CFAP43: variants seen among roughly 807,000 people sequenced by gnomAD.
The protein encoded by CFAP43 is cilia- and flagella-associated protein 43.
Under a neutral mutation model 218.9 loss-of-function variants are expected in CFAP43, and 155 were observed. The ratio of observed to expected loss-of-function variants is 0.71; its 90% CI spans 0.62 to 0.81. CFAP43 has a LOEUF of 0.81. CFAP43 is among the 30% of genes least tolerant of loss of function. The pLI is 0.00. For synonymous variants in CFAP43, 645 were observed against 681.3 expected (o/e 0.95, Z 0.83); for missense variants, 1,778 against 1,954.3 (o/e 0.91, Z 1.70).
In CFAP43 at chr10:104,143,577, C is replaced by G. The variant is rs1002475158; in HGVS notation, c.4007G>C (p.Gly1336Ala). ...TSVVPFGELP[G>A]SGKLNKDAFA... Reference sequence around the variant, plus strand: ...GGCATCCTTATTCAACTTGCCAGATCCTGGTAGTTCTCCGAAAGGGACAAC... The same window carrying G: ...GGCATCCTTATTCAACTTGCCAGATGCTGGTAGTTCTCCGAAAGGGACAAC... Residue 1336 changes from glycine (G) to alanine (A), a missense_variant, in exon 32 of 38, where the codon GGA becomes GCA. Transcript: ENST00000357060. 1 of 1,614,168 alleles carries G rather than the reference C, an allele frequency of 6.2e-7. No individual in the cohort carries two copies. The highest frequency in any genetic ancestry group is 8.5e-7 in the Non-Finnish European group (1 of 1,180,024).
At chr10:104,180,896 G>A (rs377646360) in intron 17 of CFAP43, among the ~76,000 whole-genome samples, 94 of 152,228 alleles carry the variant, frequency 6.2e-4, no homozygotes, top group African/African-American at 2.2e-3. Flanking sequence ...TGCCTCTCCA[G>A]AAGTTGCTCT....
At chr10:104,215,621 C>G (rs1171969000) in intron 3 of CFAP43, among the ~76,000 whole-genome samples, 1 of 152,194 alleles carries the variant, frequency 6.6e-6, no homozygotes, top group Non-Finnish European at 1.5e-5. Flanking sequence ...CCACCCCCCA[C>G]CAGACCCTCA....
At chr10:104,152,827 G>GC (rs2088339113) in intron 27 of CFAP43, 101 bp from the exon 28 acceptor site, 2 of 1,323,754 alleles carry the variant, frequency 1.5e-6, no homozygotes, top group Admixed American at 4.7e-5. Context: ...ATGGAGGGCA[G>GC]CCCTTGCAAG....
chr10:104,165,831 G>A (rs2089124163), intron 23 of CFAP43, among the ~76,000 whole-genome samples: 1 of 152,098 alleles, frequency 6.6e-6, no homozygotes, highest in South Asian at 2.1e-4. Flanking sequence ...GATCTTACAG[G>A]GAAATCCTAA....
chr10:104,139,018 T>A (rs1175433657), intron 34 of CFAP43, among the ~76,000 whole-genome samples: 1 of 152,192 alleles, frequency 6.6e-6, no homozygotes, highest in Non-Finnish European at 1.5e-5. Flanking sequence ...ACAGAAATAC[T>A]AAATGTAAGT....
chr10:104,164,795 T>G (rs1057379938), intron 23 of CFAP43, among the ~76,000 whole-genome samples: 2 of 152,210 alleles, frequency 1.3e-5, no homozygotes, highest in African/African-American at 2.4e-5. Flanking sequence ...GGCATCCAGG[T>G]ATGGGTAGGA....
intron 27 of CFAP43, among the ~76,000 whole-genome samples, chr10:104,158,049 A>G (rs2088668044): frequency 6.6e-6 from 1 of 152,176 alleles, no homozygotes; most frequent in African/African-American, 2.4e-5. Context: ...CAGAAATAAT[A>G]ATGATAGTCA....
chr10:104,177,227 G>C (rs1332515924), intron 19 of CFAP43, among the ~76,000 whole-genome samples: 1 of 151,820 alleles, frequency 6.6e-6, no homozygotes, highest in Non-Finnish European at 1.5e-5. Flanking sequence ...AAACTGAAGA[G>C]AGAAACTTAA....
At chr10:104,190,823 A>G (rs1340381880) in intron 12 of CFAP43, among the ~76,000 whole-genome samples, 3 of 152,204 alleles carry the variant, frequency 2.0e-5, no homozygotes, top group African/African-American at 4.8e-5. Context: ...GGATAAGAGC[A>G]CACGCCCTGA....
In CFAP43 at chr10:104,147,930, T is replaced by G. The variant is rs571182394; in HGVS notation, c.3729A>C (p.Lys1243Asn). 1 of 1,604,288 alleles carries G rather than the reference T, an allele frequency of 6.2e-7. No individual in the cohort carries two copies. Among genetic ancestry groups the G allele is most frequent in the African/African-American group, 1.3e-5 (1 of 74,624 alleles). The change falls in exon 29 of 38, where the codon AAA becomes AAC. Residue 1243 changes from lysine (K) to asparagine (N), a missense_variant. Lys to Asn is a moderately conservative substitution (Grantham distance 94). Transcript: ENST00000357060. ...LLDEELSSRE[K>N]FLNNYLTRKQ... ...TCCTTGTAAGGTAGTTGTTCAGGAA[T>G]TTTTCTCTAGAGCTTAATTCTTCAT...
intron 17 of CFAP43, among the ~76,000 whole-genome samples, chr10:104,180,531 C>T (rs951147384): frequency 1.3e-5 from 2 of 151,302 alleles, no homozygotes; most frequent in Non-Finnish European, 2.9e-5. Context: ...CTGCAACCTC[C>T]GCCTCCTGGG....
At chr10:104,165,511 C>T (rs915833989) in intron 23 of CFAP43, among the ~76,000 whole-genome samples, 5 of 152,114 alleles carry the variant, frequency 3.3e-5, no homozygotes, top group African/African-American at 1.2e-4. Context: ...GAAGAGAGAG[C>T]TAAGAACATG....
chr10:104,178,347 A>G (rs916561305), intron 19 of CFAP43, among the ~76,000 whole-genome samples: 1 of 152,226 alleles, frequency 6.6e-6, no homozygotes, highest in Admixed American at 6.5e-5. Context: ...TGAATAGGTC[A>G]TAGAAGGGCT....
intron 13 of CFAP43, 80 bp from the exon 14 acceptor site, chr10:104,187,572 A>G (rs1209645817): frequency 2.4e-6 from 3 of 1,237,440 alleles, no homozygotes; most frequent in Non-Finnish European, 2.1e-6. Flanking sequence ...ACAATTATGA[A>G]AAGCAAAATA....
At chr10:104,223,654 T>TTGTC (rs1385821308) in intron 3 of CFAP43, among the ~76,000 whole-genome samples, 1 of 148,584 alleles carries the variant, frequency 6.7e-6, no homozygotes, top group Non-Finnish European at 1.5e-5. Flanking sequence ...ATTTATGCAC[T>TTGTC]TGTCATCTCT....
chr10:104,179,161 G>T, intron 18 of CFAP43, 55 bp from the exon 19 acceptor site: 1 of 1,044,564 alleles, frequency 9.6e-7, no homozygotes, highest in South Asian at 1.7e-5. Context: ...CAGACAGAGA[G>T]AGAGAGAGAG....
intron 3 of CFAP43, among the ~76,000 whole-genome samples, chr10:104,219,313 T>A (rs1589807285): frequency 6.6e-6 from 1 of 152,174 alleles, no homozygotes; most frequent in East Asian, 1.9e-4. Context: ...TAGTTTCACT[T>A]CCCTCCATCC....
intron 24 of CFAP43, among the ~76,000 whole-genome samples, chr10:104,163,839 T>A (rs1339430722): frequency 6.6e-6 from 1 of 152,232 alleles, no homozygotes; most frequent in African/African-American, 2.4e-5. Flanking sequence ...ATAGAAGGCT[T>A]CTGGGCCTCC....
At chr10:104,141,904 T>G (rs1215015163) in intron 33 of CFAP43, among the ~76,000 whole-genome samples, 1 of 152,202 alleles carries the variant, frequency 6.6e-6, no homozygotes, top group Non-Finnish European at 1.5e-5. Flanking sequence ...AATATATCAG[T>G]TGGCTGCGTG....
Sources: allele counts gnomAD v4.1 joint callset (sites outside exome capture counted in the v4.1 genomes callset), GRCh38; gene constraint gnomAD v4.1.1; transcripts MANE v1.5; gene names NCBI Gene and HGNC (gene_info 2026-07-23, HGNC 2026-07-21).